The following PHACTR2 variants were observed in gnomAD, a reference collection of about 807,000 sequenced individuals.
The protein encoded by PHACTR2 is chromosome 6 open reading frame 56.
A neutral mutation model predicts 76.0 loss-of-function variants in PHACTR2; 30 were observed. The observed-to-expected ratio is 0.39, with a 90% CI of 0.30 to 0.54. PHACTR2 has a LOEUF of 0.54. PHACTR2 is among the 20% of genes least tolerant of loss of function. The probability of loss-of-function intolerance (pLI) is 0.61; values close to 1 mark genes in which losing one functional copy is unlikely to be tolerated. For synonymous variants in PHACTR2, 292 were observed against 292.5 expected (o/e 1.00, Z 0.02); for missense variants, 696 against 781.1 (o/e 0.89, Z 1.30).
Position 143,712,002 on chromosome 6 carries a change from C to T in PHACTR2, c.47-14C>T, listed in dbSNP as rs779301242. 5 of 1,602,966 alleles carry T rather than the reference C, an allele frequency of 3.1e-6. No individual in the cohort carries two copies. The South Asian group carries it at 5.6e-5, about 18-fold the overall frequency. On this transcript the variant is annotated splice_polypyrimidine_tract_variant and intron_variant, in intron 1 of 12. Coordinates refer to ENST00000440869, the MANE Select transcript of PHACTR2 (RefSeq NM_001100164.2). Reference sequence around the variant, plus strand: ...TTTTACAACCTTTCTCTGTCTATATCTTTCTTTATACAGTTGACGGACTGG... The same window carrying T: ...TTTTACAACCTTTCTCTGTCTATATTTTTCTTTATACAGTTGACGGACTGG...
Position 143,710,789 on chromosome 6 carries a change from A to G in PHACTR2, c.47-1227A>G, listed in dbSNP as rs965741551. On this transcript the variant is annotated intron_variant, in intron 1 of 12. Transcript: ENST00000440869. This position sits in a 1 kb window ranked among gnomAD's most constrained non-coding sequence, Gnocchi z 4.9. ...TATTTGTTTTACTATGACCAATATT[A>G]TATTAAGAAAGTTGTTAAAAATACA... 5.3e-5 allele frequency among the ~76,000 whole-genome samples: 8 copies of G among 152,224 alleles called. No individual in the cohort carries two copies. The highest frequency in any genetic ancestry group is 1.9e-4 in the African/African-American group (8 of 41,468).
rs1465734656 is a variant in PHACTR2, at chr6:143,537,590, A to G, written c.217+383A>G. On this transcript the variant is annotated intron_variant, in intron 1 of 11. Coordinates refer to the PHACTR2 transcript ENST00000367584. The surrounding 1 kb of genome is among the most constrained non-coding windows in gnomAD (Gnocchi z 4.4). ...CTTCGGCGCGACTTTGGTCCCTCGG[A>G]AGGGTGCGGTTCCCTCACTTTGCGG... is the stretch of plus-strand genomic sequence containing the variant. Among the ~76,000 whole-genome samples, 1 of 152,110 alleles carries G rather than the reference A, an allele frequency of 6.6e-6. No homozygotes were observed. The highest frequency in any genetic ancestry group is 6.5e-5 in the Admixed American group (1 of 15,278).
In PHACTR2 at chr6:143,707,558, A is replaced by T. The variant is rs375466400; in HGVS notation, c.47-4458A>T. Among the ~76,000 whole-genome samples, 41 of 152,352 alleles carry T rather than the reference A, an allele frequency of 2.7e-4. No individual in the cohort carries two copies. In the East Asian group the frequency reaches 7.5e-3, roughly 28 times the overall value. On this transcript the variant is annotated intron_variant, in intron 1 of 12. Transcript: ENST00000440869. The stretch of plus-strand genomic sequence containing the variant: ...TCTCAGTTTCTCAGTGCCTGAAATA[A>T]TTATGTGTGGTGAAAAATTAATATC...
intron 2 of PHACTR2, among the ~76,000 whole-genome samples, chr6:143,719,375 CAG>C (rs1352615158): frequency 2.3e-3 from 254 of 110,310 alleles, no homozygotes; most frequent in African/African-American, 8.9e-3. Context: ...TTTTTTGAGA[CAG>C]AGTCTCACTC....
rs544702596 is a variant in PHACTR2, at chr6:143,538,543, G to T, written c.217+1336G>T. On this transcript the variant is annotated intron_variant, in intron 1 of 11. Transcript: ENST00000367584. ...TACCCATAGCGGCAAAAGCCCTGCC[G>T]GGGCGTGAACGTGCACTGTACCAGC... is the stretch of plus-strand genomic sequence containing the variant. 8.5e-5 allele frequency among the ~76,000 whole-genome samples: 13 copies of T among 152,314 alleles called. No individual in the cohort carries two copies. In the South Asian group the frequency reaches 2.3e-3, roughly 27 times the overall value.
intron 1 of PHACTR2, among the ~76,000 whole-genome samples, chr6:143,563,557 A>AAAAAAGC (rs1554287766): frequency 2.0e-5 from 2 of 100,380 alleles, no homozygotes; most frequent in Admixed American, 1.0e-4. Flanking sequence ...GTCTCAAAAA[A>AAAAAAGC]AAAAAAAAAA....
Position 143,784,758 on chromosome 6 carries a change from CA to C in PHACTR2, c.1707+1482del, listed in dbSNP as rs1775515083. On this transcript the variant is annotated intron_variant, in intron 10 of 12. Transcript: ENST00000440869. The surrounding 1 kb of genome is among the most constrained non-coding windows in gnomAD (Gnocchi z 4.5). ...GAGGCCTCAGAATCATGGCAGGAGGCAAAAGGCTCTTCTAACATGGTGGCGG... is the reference window on the plus strand; with the variant it reads ...GAGGCCTCAGAATCATGGCAGGAGGCAAAGGCTCTTCTAACATGGTGGCGG... Among the ~76,000 whole-genome samples the C allele has an allele frequency of 6.6e-6, 1 of 152,202 alleles. No homozygotes were observed. The highest frequency in any genetic ancestry group is 1.9e-4 in the East Asian group (1 of 5,178).
intron 6 of PHACTR2, among the ~76,000 whole-genome samples, chr6:143,770,853 A>G (rs1775082795): frequency 6.6e-6 from 1 of 150,736 alleles, no homozygotes; most frequent in Non-Finnish European, 1.5e-5. Context: ...TCTTTAAATC[A>G]TAGACTTTTA....
intron 1 of PHACTR2, among the ~76,000 whole-genome samples, chr6:143,577,602 G>T (rs1405843994): frequency 1.3e-5 from 2 of 152,122 alleles, no homozygotes; most frequent in African/African-American, 4.8e-5. Context: ...AAGAGGAGAT[G>T]AGACCAAATT....
Position 143,608,545 on chromosome 6 carries a change from T to C in PHACTR2, c.13+223T>C, listed in dbSNP as rs1775923053. Among the ~76,000 whole-genome samples, 3 of 141,626 alleles carry C rather than the reference T, an allele frequency of 2.1e-5. No homozygotes were observed. The highest frequency in any genetic ancestry group is 2.0e-4 in the Admixed American group (3 of 14,726). 92.9% of individuals were successfully genotyped at this position (141,626 alleles called of 152,430 possible). A position where few individuals can be genotyped will look rare whatever the true frequency, so the allele number is the denominator to read the frequency against. ...GCAGATTGTATTCCAAATTCACCTT[T>C]TGTGAAGACTACTGCTATTTAGGCT... On this transcript the variant is annotated intron_variant, in intron 1 of 11. Coordinates refer to the PHACTR2 transcript ENST00000305766. The surrounding 1 kb of genome is among the most constrained non-coding windows in gnomAD (Gnocchi z 4.6).
At chr6:143,685,752 A>G (rs1777502373) in intron 1 of PHACTR2, among the ~76,000 whole-genome samples, 1 of 152,040 alleles carries the variant, frequency 6.6e-6, no homozygotes, top group African/African-American at 2.4e-5. Flanking sequence ...TAAAATGAGT[A>G]ATTCCCAAAA....
rs565648877 is a variant in PHACTR2 at position 143,730,752 on chromosome 6, G to GTGTT, written c.215-18222_215-18219dup. Among the ~76,000 whole-genome samples the GTGTT allele has an allele frequency of 4.5e-4, 68 of 152,204 alleles. 2 individuals are homozygous for GTGTT. The South Asian group carries it at 4.8e-3, about 11-fold the overall frequency. On this transcript the variant is annotated intron_variant, in intron 2 of 12. Coordinates refer to ENST00000440869, the MANE Select transcript of PHACTR2 (RefSeq NM_001100164.2). This position sits in a 1 kb window ranked among gnomAD's most constrained non-coding sequence, Gnocchi z 4.8. Reference sequence around the variant, plus strand: ...GATGTTGGTGTAAGATTTTTTGTGTGTGTTTGTTTGTTTGAGACGGAGTCT... The same window carrying GTGTT: ...GATGTTGGTGTAAGATTTTTTGTGTGTGTTTGTTTGTTTGTTTGAGACGGAGTCT...
At chr6:143,666,027 C>A (rs1337742768) in intron 1 of PHACTR2, among the ~76,000 whole-genome samples, 1 of 151,884 alleles carries the variant, frequency 6.6e-6, no homozygotes, top group African/African-American at 2.4e-5. Context: ...CCCCTAGGCC[C>A]CCAAACCACC....
chr6:143,735,225 A>G (rs1018563853), intron 2 of PHACTR2, among the ~76,000 whole-genome samples: 7 of 152,190 alleles, frequency 4.6e-5, no homozygotes, highest in Non-Finnish European at 1.0e-4. Flanking sequence ...ATTCCAAAGT[A>G]TAAGTGTTTA....
In PHACTR2 at chr6:143,809,567, A is replaced by G. The variant is rs1303204044; in HGVS notation, c.1922+2434A>G. ...AATAATATATTCTAATTAAGCATTCAAGCAATACAAAATTCTATTAAGTAT... is the reference window on the plus strand; with the variant it reads ...AATAATATATTCTAATTAAGCATTCGAGCAATACAAAATTCTATTAAGTAT... On this transcript the variant is annotated intron_variant, in intron 12 of 12. Transcript: ENST00000440869. This position sits in a 1 kb window ranked among gnomAD's most constrained non-coding sequence, Gnocchi z 4.2. Among the ~76,000 whole-genome samples, 1 of 152,128 alleles carries G rather than the reference A, an allele frequency of 6.6e-6. No homozygotes were observed. Among genetic ancestry groups the G allele is most frequent in the Admixed American group, 6.5e-5 (1 of 15,270 alleles).
rs1776137080 is a variant in PHACTR2 at position 143,809,700 on chromosome 6, A to G, written c.1922+2567A>G. On this transcript the variant is annotated intron_variant, in intron 12 of 12. Coordinates refer to ENST00000440869, the MANE Select transcript of PHACTR2 (RefSeq NM_001100164.2). This position sits in a 1 kb window ranked among gnomAD's most constrained non-coding sequence, Gnocchi z 4.2. ...TAGATGTTTTTCCATGCATTTATAA[A>G]TGTGTGTATGTGTGTATATATATAT... Among the ~76,000 whole-genome samples, 1 of 138,324 alleles carries G rather than the reference A, an allele frequency of 7.2e-6. No individual in the cohort carries two copies. The highest frequency in any genetic ancestry group is 2.5e-5 in the African/African-American group (1 of 40,660). 90.7% of individuals were successfully genotyped at this position (138,324 alleles called of 152,430 possible).
chr6:143,544,885 G>A (rs1781209383), intron 1 of PHACTR2, among the ~76,000 whole-genome samples: 1 of 151,734 alleles, frequency 6.6e-6, no homozygotes, highest in Non-Finnish European at 1.5e-5. Context: ...TTAAAAATGT[G>A]TAAATAGAAG....
intron 2 of PHACTR2, among the ~76,000 whole-genome samples, chr6:143,715,331 C>T (rs527534659): frequency 2.0e-5 from 3 of 152,196 alleles, no homozygotes; most frequent in African/African-American, 7.2e-5. Context: ...TTCTCATCAC[C>T]CCTAACCCCC....
chr6:143,779,835 G>A (rs1283528008), intron 9 of PHACTR2, among the ~76,000 whole-genome samples: 1 of 150,948 alleles, frequency 6.6e-6, no homozygotes, highest in Non-Finnish European at 1.5e-5. Context: ...GTCCTTACTT[G>A]ATGTCTTTCC....
Sources: gnomAD v4.1 joint callset for allele counts (sites outside exome capture counted in the v4.1 genomes callset) on GRCh38, gnomAD v4.1.1 for gene constraint, Gnocchi (gnomAD v3.1) non-coding constraint, MANE v1.5 for transcripts, NCBI Gene and HGNC (gene_info 2026-07-23, HGNC 2026-07-21) for gene names.